The following RIMS2 variants were observed in gnomAD, a reference collection of about 807,000 sequenced individuals.
The protein encoded by RIMS2 is regulating synaptic membrane exocytosis 2, also known as regulating synaptic membrane exocytosis protein 2.
A neutral mutation model predicts 174.4 loss-of-function variants in RIMS2; 59 were observed. The ratio of observed to expected loss-of-function variants is 0.34; its 90% CI spans 0.27 to 0.42. RIMS2 has a LOEUF of 0.42. Ranked by LOEUF, RIMS2 falls within the 10% of genes least tolerant of loss-of-function variation. The pLI, the probability that RIMS2 is intolerant of heterozygous loss-of-function variation, is 1.00. For missense variants in RIMS2, 1,620 were observed against 1,666.3 expected (o/e 0.97, Z 0.48); for synonymous variants, 606 against 572.5 (o/e 1.06, Z -0.84).
intron 19 of RIMS2, among the ~76,000 whole-genome samples, chr8:104,138,206 T>G (rs60040012): frequency 0.022 from 3,383 of 152,294 alleles, 145 homozygotes; most frequent in African/African-American, 0.077. Context: ...GATGAATACT[T>G]AGGTTGCTTC....
At chr8:104,208,522 C>T (rs908296893) in intron 19 of RIMS2, among the ~76,000 whole-genome samples, 2 of 151,052 alleles carry the variant, frequency 1.3e-5, no homozygotes, top group African/African-American at 4.9e-5. Context: ...GATCCGAGAT[C>T]GAGCCACTGC....
chr8:103,772,862 T>G (rs950150086), intron 3 of RIMS2, among the ~76,000 whole-genome samples: 2 of 152,120 alleles, frequency 1.3e-5, no homozygotes, highest in African/African-American at 4.8e-5. Flanking sequence ...AGGATAGTGT[T>G]TTCAACAAAT....
rs59348302 is a variant in RIMS2 at position 103,734,014 on chromosome 8, C to CTT, written c.388-32189_388-32188dup. ...CTTGCTTTACCTCTCCTAAAAGCTT[C>CTT]TTTTTTTTTTTTTTTTTTTTTTTTT... On this transcript the variant is annotated intron_variant, in intron 2 of 23. Coordinates refer to ENST00000504942, the Ensembl canonical transcript of RIMS2. 1.8e-3 allele frequency among the ~76,000 whole-genome samples: 156 copies of CTT among 85,576 alleles called. 1 individual carries two copies. Among genetic ancestry groups the CTT allele is most frequent in the Middle Eastern group, 0.011 (1 of 90 alleles). 56.1% of individuals were successfully genotyped at this position (85,576 alleles called of 152,430 possible). A position where few individuals can be genotyped will look rare whatever the true frequency, so the allele number is the denominator to read the frequency against.
At chr8:104,232,866 GATGGGAT>G (rs149867584) in intron 19 of RIMS2, among the ~76,000 whole-genome samples, 21,007 of 151,954 alleles carry the variant, frequency 0.14, 1,931 homozygotes, top group African/African-American at 0.26. Context: ...ATAGTTGAAG[GATGGGAT>G]ATGGGATATT....
At chr8:103,512,452 A>G (rs1004550014) in intron 1 of RIMS2, among the ~76,000 whole-genome samples, 2 of 152,184 alleles carry the variant, frequency 1.3e-5, no homozygotes, top group South Asian at 2.1e-4. Flanking sequence ...TCTCTACTCC[A>G]TGTCATCCTC....
intron 19 of RIMS2, among the ~76,000 whole-genome samples, chr8:104,097,611 C>CAAA (rs61692286): frequency 1.5e-5 from 2 of 134,586 alleles, no homozygotes; most frequent in African/African-American, 5.4e-5. Flanking sequence ...TAAGCAATAG[C>CAAA]AAAAAAAAAA....
At chr8:104,175,995 A>G (rs2098888936) in intron 19 of RIMS2, among the ~76,000 whole-genome samples, 1 of 152,078 alleles carries the variant, frequency 6.6e-6, no homozygotes, top group East Asian at 1.9e-4. Context: ...AACTAGTCCT[A>G]CCCAACTTCT....
At chr8:103,722,827 C>T (rs1365483739) in intron 2 of RIMS2, among the ~76,000 whole-genome samples, 3 of 152,160 alleles carry the variant, frequency 2.0e-5, no homozygotes, top group Admixed American at 6.6e-5. Context: ...GGAGAGAACT[C>T]CTTATGGACC....
At chr8:103,664,673 T>C (rs9773519) in intron 1 of RIMS2, among the ~76,000 whole-genome samples, 26,882 of 152,102 alleles carry the variant, frequency 0.18, 2,578 homozygotes, top group African/African-American at 0.24. Context: ...TTTACACTGT[T>C]GGTGGGAGTG....
chr8:103,934,853 G>A (rs1237021980), intron 12 of RIMS2, among the ~76,000 whole-genome samples: 2 of 151,758 alleles, frequency 1.3e-5, no homozygotes, highest in Admixed American at 1.3e-4. Context: ...ACCTGCCACC[G>A]TTCCTGGCTA....
At chr8:103,529,170 A>T (rs1835672295) in intron 1 of RIMS2, among the ~76,000 whole-genome samples, 1 of 152,128 alleles carries the variant, frequency 6.6e-6, no homozygotes, top group African/African-American at 2.4e-5. Flanking sequence ...ATGGGAGTGC[A>T]CTCATGATTT....
intron 3 of RIMS2, among the ~76,000 whole-genome samples, chr8:103,883,262 G>A (rs942655036): frequency 2.0e-5 from 3 of 151,618 alleles, no homozygotes; most frequent in African/African-American, 7.2e-5. Flanking sequence ...AGGATTTAAT[G>A]GTTATATAGT....
Position 104,000,954 on chromosome 8 carries a change from T to C in RIMS2, c.3044+11533T>C, listed in dbSNP as rs1023493596. ...TGAGTTGTTTGAGTTCCTTATATAT[T>C]CTGTTTATTAATCCCTTGTTGGAAG... On this transcript the variant is annotated intron_variant, in intron 17 of 23. Coordinates refer to ENST00000504942, the Ensembl canonical transcript of RIMS2. 2.0e-5 allele frequency among the ~76,000 whole-genome samples: 3 copies of C among 152,054 alleles called. No homozygotes were observed. The East Asian group carries it at 5.8e-4, about 29-fold the overall frequency.
At chr8:103,911,176 G>A (rs1397378948) in intron 5 of RIMS2, among the ~76,000 whole-genome samples, 1 of 152,202 alleles carries the variant, frequency 6.6e-6, no homozygotes, top group African/African-American at 2.4e-5. Flanking sequence ...GCTAAATTTT[G>A]CATGAAGATA....
intron 19 of RIMS2, among the ~76,000 whole-genome samples, 196 bp downstream of exon 23, chr8:104,068,808 A>G (rs1368662162): frequency 6.6e-6 from 1 of 152,340 alleles, no homozygotes; most frequent in South Asian, 2.1e-4. Flanking sequence ...AAAAACTATT[A>G]TAAAATACAG....
At chr8:103,933,288 G>GACAC (rs55909886) in intron 12 of RIMS2, among the ~76,000 whole-genome samples, 9,563 of 119,390 alleles carry the variant, frequency 0.08, 503 homozygotes, top group East Asian at 0.14. Context: ...TCGAGACTCT[G>GACAC]ACACACACAC....
intron 3 of RIMS2, among the ~76,000 whole-genome samples, chr8:103,767,790 G>A (rs1016539362): frequency 1.3e-5 from 2 of 152,224 alleles, no homozygotes; most frequent in African/African-American, 4.8e-5. Flanking sequence ...TAGTAAAAGG[G>A]AACAGTACAT....
chr8:103,611,622 G>A (rs185322733), intron 1 of RIMS2, among the ~76,000 whole-genome samples: 147 of 151,516 alleles, frequency 9.7e-4, no homozygotes, highest in African/African-American at 3.2e-3. Context: ...CTCCTGGCCT[G>A]TGAAAAGTCA....
At chr8:103,897,155 T>A (rs891066118) in intron 4 of RIMS2, among the ~76,000 whole-genome samples, 2 of 151,766 alleles carry the variant, frequency 1.3e-5, no homozygotes, top group Admixed American at 6.6e-5. Context: ...CTTGTTGGCC[T>A]ATTAATTAGC....
Sources: allele counts gnomAD v4.1 joint callset (sites outside exome capture counted in the v4.1 genomes callset), GRCh38; gene constraint gnomAD v4.1.1; transcripts MANE v1.5; gene names NCBI Gene and HGNC (gene_info 2026-07-23, HGNC 2026-07-21).